BNC2: variants seen among roughly 807,000 people sequenced by gnomAD.
BNC2 encodes basonuclin zinc finger protein 2.
Under a neutral mutation model 76.3 loss-of-function variants are expected in BNC2, and 20 were observed. The observed-to-expected ratio is 0.26, with a 90% CI of 0.18 to 0.38. The LOEUF (loss-of-function observed/expected upper bound fraction) is 0.38. BNC2 is among the 10% of genes least tolerant of loss of function. BNC2 has a pLI of 1.00. For missense variants in BNC2, 1,382 were observed against 1,399.8 expected (o/e 0.99, Z 0.20); for synonymous variants, 582 against 514.8 (o/e 1.13, Z -1.77).
At chr9:16,680,855 T>C (rs1278024362) in intron 3 of BNC2, among the ~76,000 whole-genome samples, 1 of 152,196 alleles carries the variant, frequency 6.6e-6, no homozygotes, top group Non-Finnish European at 1.5e-5. Flanking sequence ...CTCAGTGTAC[T>C]TTCTCTTTTT....
intron 1 of BNC2, among the ~76,000 whole-genome samples, chr9:16,787,756 GC>G (rs1457481980): frequency 1.3e-5 from 2 of 152,096 alleles, no homozygotes; most frequent in Non-Finnish European, 2.9e-5. Context: ...TCACTTTGTT[GC>G]CCGGGCTGGT....
chr9:16,498,278 T>A (rs1822442739), intron 5 of BNC2, among the ~76,000 whole-genome samples: 2 of 108,550 alleles, frequency 1.8e-5, no homozygotes, highest in South Asian at 6.0e-4. Context: ...TATTCCATCA[T>A]ATATATATAT....
At chr9:16,828,559 C>T (rs1404276021) in intron 1 of BNC2, among the ~76,000 whole-genome samples, 1 of 152,158 alleles carries the variant, frequency 6.6e-6, no homozygotes. Flanking sequence ...AGACAGCAGA[C>T]TACGGTCCCA....
chr9:16,677,574 AACAAACAC>A (rs1206378913), intron 3 of BNC2, among the ~76,000 whole-genome samples: 1 of 42,726 alleles, frequency 2.3e-5, no homozygotes, highest in African/African-American at 3.7e-4. Context: ...CTTTGTCTCA[AACAAACAC>A]ACACACACAC....
chr9:16,737,801 G>A (rs1824722084), intron 2 of BNC2, among the ~76,000 whole-genome samples: 1 of 152,244 alleles, frequency 6.6e-6, no homozygotes, highest in Non-Finnish European at 1.5e-5. Flanking sequence ...TAGAAGATCT[G>A]CATAGTGATT....
intron 5 of BNC2, among the ~76,000 whole-genome samples, chr9:16,492,942 T>A (rs1452765881): frequency 1.3e-5 from 2 of 152,140 alleles, no homozygotes; most frequent in Admixed American, 1.3e-4. Context: ...AAATTCGTGA[T>A]CATTAGTATA....
chr9:16,679,913 T>C (rs1822772188), intron 3 of BNC2, among the ~76,000 whole-genome samples: 1 of 152,252 alleles, frequency 6.6e-6, no homozygotes, highest in Non-Finnish European at 1.5e-5. Context: ...TACCATGGCG[T>C]CAGTCCTCAG....
intron 5 of BNC2, among the ~76,000 whole-genome samples, chr9:16,510,631 A>T (rs534204881): frequency 1.3e-5 from 2 of 152,358 alleles, no homozygotes; most frequent in South Asian, 4.1e-4. Context: ...ATCAACAGAT[A>T]AGCCTTTACA....
At chr9:16,564,228 G>C (rs775980530) in intron 4 of BNC2, among the ~76,000 whole-genome samples, 2 of 152,150 alleles carry the variant, frequency 1.3e-5, no homozygotes, top group Non-Finnish European at 2.9e-5. Flanking sequence ...TAAGATATTC[G>C]TAAGTAACTC....
chr9:16,867,251 G>A (rs867504940), intron 1 of BNC2: 45 of 152,114 alleles, frequency 3.0e-4, no homozygotes, highest in African/African-American at 9.2e-4. Context: ...AACTGTATCT[G>A]TGGGGTTTAT....
intron 1 of BNC2, among the ~76,000 whole-genome samples, chr9:16,778,925 T>C (rs1826042515): frequency 6.6e-6 from 1 of 152,068 alleles, no homozygotes; most frequent in Admixed American, 6.5e-5. Flanking sequence ...CATAAAACGA[T>C]ATTTTTAGAA....
rs1554724020 is a variant in BNC2 at position 16,757,724 on chromosome 9, G to GGAA, written c.4-19240_4-19239insTTC. ...GCAAAGCAACCCTTGATTTTAAAAAGAAAAAAAAAAAGCATACTTGCAAGG... is the reference window on the plus strand; with the variant it reads ...GCAAAGCAACCCTTGATTTTAAAAAGGAAAAAAAAAAAAAGCATACTTGCAAGG... On this transcript the variant is annotated intron_variant, in intron 1 of 6. Coordinates refer to ENST00000380672, the MANE Select transcript of BNC2 (RefSeq NM_017637.6). 1.4e-3 allele frequency among the ~76,000 whole-genome samples: 151 copies of GGAA among 109,884 alleles called. 1 individual carries two copies. The highest frequency in any genetic ancestry group is 3.6e-3 in the African/African-American group (143 of 39,576). 72.1% of individuals were successfully genotyped at this position (109,884 alleles called of 152,430 possible).
chr9:16,768,425 G>C (rs1439771465), intron 1 of BNC2, among the ~76,000 whole-genome samples: 1 of 152,170 alleles, frequency 6.6e-6, no homozygotes, highest in Non-Finnish European at 1.5e-5. Context: ...TGAGGCAAAA[G>C]GGATTTGGAT....
At chr9:16,492,003 G>A (rs868623091) in intron 5 of BNC2, among the ~76,000 whole-genome samples, 8 of 152,104 alleles carry the variant, frequency 5.3e-5, no homozygotes, top group East Asian at 1.9e-4. Context: ...GATTATAACC[G>A]TTTCATCTAC....
intron 3 of BNC2, among the ~76,000 whole-genome samples, chr9:16,693,128 A>AC (rs1823227692): frequency 1.6e-4 from 1 of 6,296 alleles, no homozygotes; most frequent in Non-Finnish European, 5.3e-4. Context: ...AGACAGTCTC[A>AC]AAAAAAAAAA....
At chr9:16,714,247 A>C (rs1823934896) in intron 3 of BNC2, among the ~76,000 whole-genome samples, 1 of 152,222 alleles carries the variant, frequency 6.6e-6, no homozygotes, top group African/African-American at 2.4e-5. Context: ...GTAACAATAA[A>C]ACTATCTAGC....
intron 3 of BNC2, among the ~76,000 whole-genome samples, chr9:16,693,104 T>TG (rs1823225429): frequency 9.4e-6 from 1 of 106,250 alleles, no homozygotes; most frequent in South Asian, 3.2e-4. Flanking sequence ...CACTCCAGCC[T>TG]GGGCAACACA....
chr9:16,652,574 G>C (rs540547916), intron 3 of BNC2, among the ~76,000 whole-genome samples: 91 of 152,286 alleles, frequency 6.0e-4, no homozygotes, highest in African/African-American at 2.0e-3. Flanking sequence ...CATTGAACCT[G>C]TCTGCATTAT....
At chr9:16,452,234 C>T (rs1821356848) in intron 5 of BNC2, among the ~76,000 whole-genome samples, 1 of 152,112 alleles carries the variant, frequency 6.6e-6, no homozygotes, top group South Asian at 2.1e-4. Flanking sequence ...TTAGAAAATG[C>T]TTTTGGGAAT....
Sources: allele counts gnomAD v4.1 joint callset (sites outside exome capture counted in the v4.1 genomes callset), GRCh38; gene constraint gnomAD v4.1.1; transcripts MANE v1.5; gene names NCBI Gene and HGNC (gene_info 2026-07-23, HGNC 2026-07-21).